TMPRSS13: variants seen among roughly 807,000 people sequenced by gnomAD.
TMPRSS13 encodes transmembrane serine protease 13.
Under a neutral mutation model 68.4 loss-of-function variants are expected in TMPRSS13, and 50 were observed. The observed-to-expected ratio is 0.73, with a 90% CI of 0.58 to 0.93. The LOEUF is 0.93. Ranked by LOEUF, TMPRSS13 falls within the 40% of genes least tolerant of loss-of-function variation. The pLI is 0.00. For synonymous variants in TMPRSS13, 267 were observed against 285.8 expected, an observed-to-expected ratio of 0.93 and a Z score of 0.66; for missense variants, 615 against 729.2, an observed-to-expected ratio of 0.84 and a Z score of 1.80.
At chr11:117,904,261 T>C (rs903709723) in intron 10 of TMPRSS13, among the ~76,000 whole-genome samples, 160 bp from the exon 11 acceptor site, 1 of 152,144 alleles carries the variant, frequency 6.6e-6, no homozygotes, top group African/African-American at 2.4e-5. Flanking sequence ...GGAGGCCCTC[T>C]GTGGTTGGAC....
Position 117,929,386 on chromosome 11 carries a change from T to A in TMPRSS13, c.-79A>T. ...ATCTTGGTCCCTGGCTTCTCAGGCA[T>A]GTAGGGTAAAGGAGTTGGAGGGCCA... On this transcript the variant is annotated 5_prime_UTR_variant, in exon 1 of 13. An upstream start codon of the reference 5' UTR is lost. Coordinates refer to ENST00000524993, the MANE Select transcript of TMPRSS13 (RefSeq NM_001077263.3). 2 of 1,439,472 alleles carry A rather than the reference T, an allele frequency of 1.4e-6. No individual in the cohort carries two copies. Among genetic ancestry groups the A allele is most frequent in the Non-Finnish European group, 1.9e-6 (2 of 1,045,752 alleles). 89.2% of individuals were successfully genotyped at this position (1,439,472 alleles called of 1,614,324 possible).
chr11:117,904,204 C>T (rs1441860545), intron 10 of TMPRSS13, 103 bp from the exon 11 acceptor site: 1 of 1,453,044 alleles, frequency 6.9e-7, no homozygotes, highest in Non-Finnish European at 9.2e-7. Flanking sequence ...GAATCACAGC[C>T]TCCTGGGAAT....
chr11:117,914,346 C>T lies in TMPRSS13; in HGVS notation c.679+46G>A, dbSNP rs1245588176. 6.2e-7 allele frequency: 1 copy of T among 1,607,222 alleles called. No homozygotes were observed. Among genetic ancestry groups the T allele is most frequent in the Non-Finnish European group, 8.5e-7 (1 of 1,178,654 alleles). ...ACATATACAAACAGGCACACAAACA[C>T]ATGCACATGCACACGCACGCGCTCC... On this transcript the variant is annotated intron_variant, in intron 4 of 12. Coordinates refer to ENST00000524993, the MANE Select transcript of TMPRSS13 (RefSeq NM_001077263.3). This position sits in a 1 kb window ranked among gnomAD's most constrained non-coding sequence, Gnocchi z 4.2.
At chr11:117,918,101 AC>A (rs2134908318) in intron 2 of TMPRSS13, among the ~76,000 whole-genome samples, 1 of 152,266 alleles carries the variant, frequency 6.6e-6, no homozygotes, top group Admixed American at 6.5e-5. Context: ...CCTGTGACTA[AC>A]TGGGAGACCT....
At position 117,914,244 on chromosome 11, in the gene TMPRSS13, T is replaced by C. The variant is rs1172033998; in HGVS notation, c.679+148A>G. 1.8e-6 allele frequency: 2 copies of C among 1,094,524 alleles called. No individual in the cohort carries two copies. Among genetic ancestry groups the C allele is most frequent in the Non-Finnish European group, 1.3e-6 (1 of 744,260 alleles). 67.8% of individuals were successfully genotyped at this position (1,094,524 alleles called of 1,614,324 possible). ...ACACACACATACGTGCACACACACA[T>C]ACATGCATACACACAAACATGCACA... On this transcript the variant is annotated intron_variant, in intron 4 of 12. Transcript: ENST00000524993. This position sits in a 1 kb window ranked among gnomAD's most constrained non-coding sequence, Gnocchi z 4.2.
rs1378467224 is a variant in TMPRSS13 at position 117,909,968 on chromosome 11, T to C, written c.947A>G (p.His316Arg). 1 of 1,613,710 alleles carries C rather than the reference T, an allele frequency of 6.2e-7. No individual in the cohort carries two copies. The highest frequency in any genetic ancestry group is 1.7e-5 in the Admixed American group (1 of 60,022). ...CCCGGTCATGGCCCTCAGTCCGCAG[T>C]CTGGAGGGAAGGAGTAGACGTACTG... ...SQRYISLQCS[H>R]CGLRAMTGRI... is the part of the protein sequence containing the mutation. The change falls in exon 8 of 13, where the codon CAC (histidine) becomes CGC (arginine). Residue 316 changes from histidine to arginine, a missense_variant and splice_region_variant. Coordinates refer to ENST00000524993, the MANE Select transcript of TMPRSS13 (RefSeq NM_001077263.3).
chr11:117,903,622 G>A (rs2057431033), intron 12 of TMPRSS13, 33 bp downstream of exon 12: 1 of 1,613,800 alleles, frequency 6.2e-7, no homozygotes, highest in Non-Finnish European at 8.5e-7. Flanking sequence ...TTCCCAGCCT[G>A]CTGGGTGCAG....
chr11:117,910,631 C>T, intron 7 of TMPRSS13, 76 bp downstream of exon 7: 1 of 1,451,870 alleles, frequency 6.9e-7, no homozygotes, highest in Non-Finnish European at 9.4e-7. Context: ...CAAACACCTC[C>T]CTTGGAGGAG....
intron 10 of TMPRSS13, among the ~76,000 whole-genome samples, chr11:117,904,601 A>C (rs1795028808): frequency 6.6e-6 from 1 of 152,038 alleles, no homozygotes; most frequent in Non-Finnish European, 1.5e-5. Flanking sequence ...GCTCTGCCTC[A>C]CGGAGGGAGG....
In TMPRSS13 at chr11:117,902,186, A is replaced by G. The variant is rs1591613651; in HGVS notation, c.*53T>C. ...ATGATGCCACACATGGCCAGTCACC[A>G]TGGCCAGAGTCTTCACAGCAGCCGG... On this transcript the variant is annotated 3_prime_UTR_variant, in exon 13 of 13. Transcript: ENST00000524993. 2 of 1,607,608 alleles carry G rather than the reference A, an allele frequency of 1.2e-6. No homozygotes were observed. The highest frequency in any genetic ancestry group is 1.7e-6 in the Non-Finnish European group (2 of 1,175,328).
intron 12 of TMPRSS13, chr11:117,903,042 T>A (rs1251627778): frequency 9.5e-7 from 1 of 1,051,520 alleles, no homozygotes; most frequent in Admixed American, 5.0e-5. Context: ...AAACATAAAA[T>A]AACTTTTTAT....
chr11:117,904,278 G>C (rs1000674762), intron 10 of TMPRSS13, among the ~76,000 whole-genome samples, 177 bp from the exon 11 acceptor site: 1 of 152,146 alleles, frequency 6.6e-6, no homozygotes, highest in Admixed American at 6.5e-5. Flanking sequence ...GGACACCCAG[G>C]ACATATGGGC....
At chr11:117,911,724 C>T in intron 6 of TMPRSS13, 44 bp downstream of exon 6, 1 of 1,550,028 alleles carries the variant, frequency 6.5e-7, no homozygotes, top group Non-Finnish European at 8.9e-7. Context: ...CCTACCCACT[C>T]CTTCCCCTGC....
chr11:117,908,859 G>T, intron 8 of TMPRSS13, 75 bp from the exon 9 acceptor site: 1 of 1,429,062 alleles, frequency 7.0e-7, no homozygotes, highest in Non-Finnish European at 9.4e-7. Flanking sequence ...TACCTACAGG[G>T]AGCCACAGTC....
chr11:117,909,699 A>T, intron 8 of TMPRSS13, 107 bp downstream of exon 8: 1 of 1,362,938 alleles, frequency 7.3e-7, no homozygotes, highest in Non-Finnish European at 9.9e-7. Flanking sequence ...TGGGGGCTGG[A>T]CTCACACCCA....
In TMPRSS13 at chr11:117,918,747, T is replaced by C. The variant is rs766031456; in HGVS notation, c.113A>G (p.Gln38Arg). The change falls in exon 2 of 13, where the codon CAG becomes CGG. Residue 38 changes from glutamine to arginine, a missense_variant. Transcript: ENST00000524993. ...TGGAGATGCCTGGGCTGGAGATGCC[T>C]GGGCTGGAGATGCCCGGCCTGGAGG... is the stretch of plus-strand genomic sequence containing the variant. ...GTPPGRASPA[Q>R]ASPAQASPAG... The C allele has an allele frequency of 1.2e-5, 19 of 1,606,570 alleles. No homozygotes were observed. In the South Asian group the frequency reaches 1.5e-4, roughly 13 times the overall value.
At chr11:117,911,728 C>T (rs2057524925) in intron 6 of TMPRSS13, 40 bp downstream of exon 6, 3 of 1,562,056 alleles carry the variant, frequency 1.9e-6, no homozygotes, top group East Asian at 2.2e-5. Context: ...CCCACTCCTT[C>T]CCCTGCTCAC....
chr11:117,912,114 G>T (rs575392084), intron 5 of TMPRSS13, among the ~76,000 whole-genome samples: 2 of 152,246 alleles, frequency 1.3e-5, no homozygotes, highest in African/African-American at 4.8e-5. Context: ...CATTTCTCAT[G>T]GTGGAGACTG....
intron 1 of TMPRSS13, among the ~76,000 whole-genome samples, 191 bp from the exon 2 acceptor site, chr11:117,919,029 C>T (rs1436383815): frequency 1.3e-5 from 2 of 152,146 alleles, no homozygotes; most frequent in East Asian, 1.9e-4. Context: ...AACCTGCTGT[C>T]CCCCAGCTCC....
Sources: allele counts gnomAD v4.1 joint callset (sites outside exome capture counted in the v4.1 genomes callset), GRCh38; gene constraint gnomAD v4.1.1; non-coding constraint Gnocchi (gnomAD v3.1); transcripts MANE v1.5; gene names NCBI Gene and HGNC (gene_info 2026-07-23, HGNC 2026-07-21).